The following SLC37A3 variants were observed in gnomAD, a reference collection of about 807,000 sequenced individuals.
SLC37A3 encodes sugar phosphate exchanger 3.
SLC37A3 carries 51 observed loss-of-function variants against 67.1 expected under a neutral mutation model. The observed-to-expected ratio is 0.76, with a 90% CI of 0.61 to 0.96. The LOEUF (loss-of-function observed/expected upper bound fraction) is 0.96. SLC37A3 is among the 40% of genes least tolerant of loss of function. The pLI is 0.00. For missense variants in SLC37A3, 508 were observed against 603.0 expected (o/e 0.84, Z 1.65); for synonymous variants, 214 against 231.4 (o/e 0.92, Z 0.68).
intron 5 of SLC37A3, among the ~76,000 whole-genome samples, chr7:140,360,760 A>C (rs968028755): frequency 3.3e-5 from 5 of 150,028 alleles, no homozygotes; most frequent in African/African-American, 1.2e-4. Context: ...GATTAATCAG[A>C]TATGGATCCT....
intron 1 of SLC37A3, among the ~76,000 whole-genome samples, chr7:140,384,897 G>A (rs1472310576): frequency 6.6e-6 from 1 of 152,178 alleles, no homozygotes; most frequent in Admixed American, 6.5e-5. Flanking sequence ...CACTGGAACT[G>A]TTACACTACT....
At chr7:140,336,765 C>CT (rs1796146367) in intron 14 of SLC37A3, among the ~76,000 whole-genome samples, 1 of 152,078 alleles carries the variant, frequency 6.6e-6, no homozygotes, top group South Asian at 2.1e-4. Flanking sequence ...TCATTAGACT[C>CT]AGGTCAAGAG....
intron 7 of SLC37A3, among the ~76,000 whole-genome samples, chr7:140,354,187 A>G (rs1360583403): frequency 1.3e-5 from 2 of 152,238 alleles, no homozygotes; most frequent in African/African-American, 4.8e-5. Context: ...GCCAAAATAA[A>G]GAATCTTGTA....
At position 140,343,483 on chromosome 7, in the gene SLC37A3, T is replaced by A. The variant is rs772256925; in HGVS notation, c.1255A>T (p.Ser419Cys). Reference sequence around the variant, plus strand: ...GTGACAGTGGCCAAAGCTTCACTGCTCCTTTGGATGAGCTCCTGGCGACCC... The same window carrying A: ...GTGACAGTGGCCAAAGCTTCACTGCACCTTTGGATGAGCTCCTGGCGACCC... ...DLGRQELIQR[S>C]SEALATVTGI... Residue 419 changes from serine to cysteine, a missense_variant, in exon 13 of 15, where the codon AGC becomes TGC. Ser to Cys is a moderately radical substitution (Grantham distance 112). Coordinates refer to ENST00000326232, the MANE Select transcript of SLC37A3 (RefSeq NM_207113.3). The A allele has an allele frequency of 1.2e-6, 2 of 1,614,060 alleles. No individual in the cohort carries two copies. Among genetic ancestry groups the A allele is most frequent in the East Asian group, 4.5e-5 (2 of 44,880 alleles).
At position 140,367,450 on chromosome 7, in the gene SLC37A3, C is replaced by A. The variant is rs1285444906; in HGVS notation, c.291+2140G>T. On this transcript the variant is annotated intron_variant, in intron 4 of 14. Coordinates refer to ENST00000326232, the MANE Select transcript of SLC37A3 (RefSeq NM_207113.3). ...GACTCCGTCTCAAAAAATAATAATA[C>A]AATAAAATTAAATAAATAAATAAAA... is the stretch of plus-strand genomic sequence containing the variant. Among the ~76,000 whole-genome samples, 3 of 152,006 alleles carry A rather than the reference C, an allele frequency of 2.0e-5. No individual in the cohort carries two copies. In the East Asian group the frequency reaches 5.8e-4, roughly 29 times the overall value.
Position 140,394,096 on chromosome 7 carries a change from G to C in SLC37A3, c.-71+4320C>G, listed in dbSNP as rs966641765. 2.0e-5 allele frequency among the ~76,000 whole-genome samples: 3 copies of C among 152,190 alleles called. No homozygotes were observed. The South Asian group carries it at 6.2e-4, about 32-fold the overall frequency. Reference sequence around the variant, plus strand: ...GGAGGCGGGAGGATCGCTTGAACCCGGTAGGTGGAGACTGAAGTGAGCCAA... The same window carrying C: ...GGAGGCGGGAGGATCGCTTGAACCCCGTAGGTGGAGACTGAAGTGAGCCAA... On this transcript the variant is annotated intron_variant, in intron 1 of 14. Coordinates refer to ENST00000326232, the MANE Select transcript of SLC37A3 (RefSeq NM_207113.3).
At chr7:140,372,241 A>C (rs1033705247) in intron 3 of SLC37A3, among the ~76,000 whole-genome samples, 1 of 152,214 alleles carries the variant, frequency 6.6e-6, no homozygotes, top group Non-Finnish European at 1.5e-5. Context: ...ACGGAAAGGT[A>C]ATTTCTCAAA....
At chr7:140,385,209 C>T (rs28519439) in intron 1 of SLC37A3, among the ~76,000 whole-genome samples, 26,059 of 152,064 alleles carry the variant, frequency 0.17, 2,980 homozygotes, top group African/African-American at 0.32. Context: ...AGGATTAATT[C>T]CAAATCAGTA....
At chr7:140,375,586 G>A (rs572068118) in intron 3 of SLC37A3, among the ~76,000 whole-genome samples, 7 of 152,224 alleles carry the variant, frequency 4.6e-5, no homozygotes, top group South Asian at 2.1e-4. Flanking sequence ...ATGTGCCCAC[G>A]TTGTAACAAG....
intron 6 of SLC37A3, among the ~76,000 whole-genome samples, 162 bp downstream of exon 6, chr7:140,358,478 C>T (rs767447902): frequency 1.3e-5 from 2 of 152,140 alleles, no homozygotes; most frequent in Non-Finnish European, 2.9e-5. Flanking sequence ...CCATTTCCAA[C>T]GCACACTGAC....
chr7:140,379,572 C>G (rs1261663907), intron 3 of SLC37A3: 1 of 151,426 alleles, frequency 6.6e-6, no homozygotes, highest in Non-Finnish European at 1.5e-5. Flanking sequence ...AGGGAAAAAT[C>G]AGAAGTTGGG....
At chr7:140,369,987 G>A (rs921836483) in intron 3 of SLC37A3, among the ~76,000 whole-genome samples, 1 of 152,092 alleles carries the variant, frequency 6.6e-6, no homozygotes, top group Non-Finnish European at 1.5e-5. Context: ...GCACATGCCT[G>A]TAATCCCAGC....
intron 4 of SLC37A3, among the ~76,000 whole-genome samples, chr7:140,366,334 C>G (rs1585319192): frequency 6.6e-6 from 1 of 152,118 alleles, no homozygotes; most frequent in East Asian, 1.9e-4. Context: ...GTCTCAAACT[C>G]CTGACCTCAG....
intron 7 of SLC37A3, 51 bp downstream of exon 7, chr7:140,355,617 T>C: frequency 6.8e-7 from 1 of 1,462,788 alleles, no homozygotes; most frequent in Non-Finnish European, 9.6e-7. Context: ...GCAATACACA[T>C]GTGCACACAG....
At position 140,351,298 on chromosome 7, in the gene SLC37A3, G is replaced by A. The variant is rs1796786728; in HGVS notation, c.857C>T (p.Ala286Val). ...CGGTATGACTCCAGGAAGGCAACAT[G>A]CCTGGTAGAAGCTTATCGCCTTGAC... The part of the protein sequence containing the change: ...AQVKAISFYQ[A>V]CCLPGVIPYS... Residue 286 changes from alanine (A) to valine (V), a missense_variant, in exon 9 of 15, where the codon GCA becomes GTA. By Grantham distance (64) the Ala-to-Val change is moderately conservative. Coordinates refer to ENST00000326232, the MANE Select transcript of SLC37A3 (RefSeq NM_207113.3). 1.2e-6 allele frequency: 2 copies of A among 1,614,136 alleles called. No homozygotes were observed. Among genetic ancestry groups the A allele is most frequent in the African/African-American group, 2.7e-5 (2 of 75,040 alleles).
At chr7:140,363,974 T>C (rs1454824710) in intron 5 of SLC37A3, among the ~76,000 whole-genome samples, 1 of 152,202 alleles carries the variant, frequency 6.6e-6, no homozygotes, top group Non-Finnish European at 1.5e-5. Flanking sequence ...AAGACTCATC[T>C]GGCCAGGCGC....
rs1181621786 is a variant in SLC37A3, at chr7:140,358,634, G to A, written c.521+6C>T. On this transcript the variant is annotated splice_donor_region_variant and intron_variant, in intron 6 of 14. Transcript: ENST00000326232. Reference sequence around the variant, plus strand: ...AGAGAAATTAGAGAGGAAGGAAGTGGCATACCCGGCTTTCCCAAACCAGTT... The same window carrying A: ...AGAGAAATTAGAGAGGAAGGAAGTGACATACCCGGCTTTCCCAAACCAGTT... 2 of 1,613,506 alleles carry A rather than the reference G, an allele frequency of 1.2e-6. No individual in the cohort carries two copies. The highest frequency in any genetic ancestry group is 1.7e-5 in the Admixed American group (1 of 60,006).
At chr7:140,398,076 T>C (rs772725432) in intron 1 of SLC37A3, among the ~76,000 whole-genome samples, 1 of 152,176 alleles carries the variant, frequency 6.6e-6, no homozygotes, top group Non-Finnish European at 1.5e-5. Flanking sequence ...ACAAGCCCTT[T>C]TCTGATCAAG....
intron 6 of SLC37A3, among the ~76,000 whole-genome samples, chr7:140,357,303 T>A (rs1369128242): frequency 6.6e-6 from 1 of 152,162 alleles, no homozygotes; most frequent in Admixed American, 6.5e-5. Context: ...AATGAAAGCA[T>A]ATGTCCACAC....
Sources: allele counts gnomAD v4.1 joint callset (sites outside exome capture counted in the v4.1 genomes callset), GRCh38; gene constraint gnomAD v4.1.1; transcripts MANE v1.5; gene names NCBI Gene and HGNC (gene_info 2026-07-23, HGNC 2026-07-21).